NHERF4: variants seen among roughly 807,000 people sequenced by gnomAD.
The protein encoded by NHERF4 is NHERF family PDZ scaffold protein 4, also known as Na(+)/H(+) exchange regulatory cofactor NHE-RF4.
the NHERF4 span, chr11:119,186,790 C>T: frequency 1.7e-6 from 2 of 1,181,052 alleles, no homozygotes; most frequent in Non-Finnish European, 2.3e-6. This position sits in a 1 kb window ranked among gnomAD's most constrained non-coding sequence, Gnocchi z 4.4. Context: ...GCCTCACTCC[C>T]CCACACCCCA....
At chr11:119,186,761 G>A in the NHERF4 span, 2 of 1,396,460 alleles carry the variant, frequency 1.4e-6, no homozygotes, top group Non-Finnish European at 1.9e-6. This position sits in a 1 kb window ranked among gnomAD's most constrained non-coding sequence, Gnocchi z 4.4. Context: ...CCCCTGGGCA[G>A]TATGGCAGCA....
At chr11:119,189,914 G>A in the NHERF4 span, 915 of 331,004 alleles carry the variant, frequency 2.8e-3, 2 homozygotes, top group Non-Finnish European at 4.3e-3. The surrounding 1 kb of genome is among the most constrained non-coding windows in gnomAD (Gnocchi z 5.8). Context: ...CTTGGTCACC[G>A]TTGCATTTGT....
At chr11:119,186,112 AGCT>A in the NHERF4 span, 1 of 1,613,214 alleles carries the variant, frequency 6.2e-7, no homozygotes, top group East Asian at 2.2e-5. The surrounding 1 kb of genome is among the most constrained non-coding windows in gnomAD (Gnocchi z 4.4). Flanking sequence ...TTTAACCCAA[AGCT>A]GGGCATTGAT....
chr11:119,186,294 T>G, the NHERF4 span: 1 of 1,600,422 alleles, frequency 6.2e-7, no homozygotes, highest in East Asian at 2.2e-5. This position sits in a 1 kb window ranked among gnomAD's most constrained non-coding sequence, Gnocchi z 4.4. Context: ...GGAGTAGAGA[T>G]AGGAGGGGCC....
the NHERF4 span, chr11:119,186,640 A>G: frequency 6.2e-7 from 1 of 1,612,776 alleles, no homozygotes; most frequent in South Asian, 1.1e-5. This position sits in a 1 kb window ranked among gnomAD's most constrained non-coding sequence, Gnocchi z 4.4. Flanking sequence ...GGAAGGAGAC[A>G]GGATCCTGGC....
At chr11:119,188,372 G>A in the NHERF4 span, 33 of 1,613,936 alleles carry the variant, frequency 2.0e-5, no homozygotes, top group Admixed American at 1.0e-4. Context: ...CCTGTGGGAG[G>A]TGGACCCGGG....
the NHERF4 span, chr11:119,185,925 A>T: frequency 1.9e-6 from 3 of 1,614,082 alleles, no homozygotes; most frequent in Middle Eastern, 1.6e-4. Flanking sequence ...TGCCCAGTAG[A>T]TCTGCAGGAC....
the NHERF4 span, chr11:119,188,564 G>A: frequency 6.2e-7 from 1 of 1,602,278 alleles, no homozygotes. Context: ...GCGTGCTGAG[G>A]GGCAGGGGCT....
chr11:119,188,000 T>C, the NHERF4 span: 1 of 1,569,936 alleles, frequency 6.4e-7, no homozygotes, highest in Non-Finnish European at 8.6e-7. Flanking sequence ...GGAAGAACAG[T>C]GTCGCCAGCT....
At chr11:119,186,211 C>T in the NHERF4 span, 1 of 1,614,086 alleles carries the variant, frequency 6.2e-7, no homozygotes, top group Non-Finnish European at 8.5e-7. This position sits in a 1 kb window ranked among gnomAD's most constrained non-coding sequence, Gnocchi z 4.4. Context: ...CCTGGAGGCA[C>T]CACGGCTCCA....
At chr11:119,188,007 A>G in the NHERF4 span, 1 of 1,567,504 alleles carries the variant, frequency 6.4e-7, no homozygotes, top group Non-Finnish European at 8.7e-7. Context: ...CAGTGTCGCC[A>G]GCTGGGATTG....
the NHERF4 span, chr11:119,189,518 C>T: frequency 6.2e-7 from 1 of 1,612,498 alleles, no homozygotes; most frequent in East Asian, 2.2e-5. The surrounding 1 kb of genome is among the most constrained non-coding windows in gnomAD (Gnocchi z 5.8). Flanking sequence ...TACAGACATA[C>T]TCAGGGGCTA....
chr11:119,187,520 A>C, the NHERF4 span: 1 of 1,610,296 alleles, frequency 6.2e-7, no homozygotes, highest in South Asian at 1.1e-5. Context: ...TGTTCAGGGC[A>C]GGCAGGAAAC....
the NHERF4 span, chr11:119,188,359 G>T: frequency 6.2e-7 from 1 of 1,614,018 alleles, no homozygotes; most frequent in Non-Finnish European, 8.5e-7. Flanking sequence ...CCCCAGGACA[G>T]TTCCTGTGGG....
chr11:119,186,372 A>C, the NHERF4 span: 1 of 1,558,430 alleles, frequency 6.4e-7, no homozygotes, highest in South Asian at 1.1e-5. This position sits in a 1 kb window ranked among gnomAD's most constrained non-coding sequence, Gnocchi z 4.4. Flanking sequence ...CCAGGCAGAA[A>C]CTGCCCAGCA....
chr11:119,189,655 T>TGG, the NHERF4 span: 2 of 758,404 alleles, frequency 2.6e-6, no homozygotes, highest in Non-Finnish European at 4.5e-6. The surrounding 1 kb of genome is among the most constrained non-coding windows in gnomAD (Gnocchi z 5.8). Context: ...CAGGCCCACC[T>TGG]GCCAGCAGAG....
At chr11:119,188,225 C>T in the NHERF4 span, 3 of 1,544,546 alleles carry the variant, frequency 1.9e-6, no homozygotes, top group East Asian at 4.6e-5. Flanking sequence ...TTCAGTGCAC[C>T]GAAGAGGTGT....
the NHERF4 span, chr11:119,188,802 C>T: frequency 2.5e-6 from 4 of 1,614,206 alleles, no homozygotes; most frequent in Non-Finnish European, 3.4e-6. Context: ...GTACCCTGGG[C>T]CTGGTGGCAG....
the NHERF4 span, chr11:119,188,581 G>A: frequency 1.2e-6 from 2 of 1,606,082 alleles, no homozygotes; most frequent in African/African-American, 2.7e-5. Flanking sequence ...GGCTAGGGTT[G>A]GGGCAGGAGT....
Sources: allele counts gnomAD v4.1 joint callset, GRCh38; gene constraint gnomAD v4.1.1; non-coding constraint Gnocchi (gnomAD v3.1); transcripts MANE v1.5; gene names NCBI Gene and HGNC (gene_info 2026-07-23, HGNC 2026-07-21).